Variants in ATP10B observed in about 807,000 individuals in gnomAD.
ATP10B encodes ATPase phospholipid transporting 10B (putative).
Under a neutral mutation model 141.2 loss-of-function variants are expected in ATP10B, and 122 were observed. The ratio of observed to expected loss-of-function variants is 0.86; its 90% CI spans 0.75 to 1.00. The LOEUF (loss-of-function observed/expected upper bound fraction) is 1.00, where lower values mean the gene tolerates loss of function less well. Among genes scored for constraint, ATP10B ranks in the 50% least tolerant of loss-of-function variants. ATP10B has a pLI of 0.00. For missense variants in ATP10B, 1,876 were observed against 1,825.3 expected, an observed-to-expected ratio of 1.03 and a Z score of -0.51; for synonymous variants, 685 against 692.0, an observed-to-expected ratio of 0.99 and a Z score of 0.16.
intron 2 of ATP10B, among the ~76,000 whole-genome samples, chr5:160,765,870 T>C (rs904328899): frequency 4.6e-5 from 7 of 151,430 alleles, no homozygotes; most frequent in Non-Finnish European, 8.9e-5. Flanking sequence ...AAAAAACAAA[T>C]AATCCCATCA....
rs1758264566 is a variant in ATP10B at position 160,620,500 on chromosome 5, A to G, written c.2263T>C (p.Cys755Arg). 1 of 1,614,214 alleles carries G rather than the reference A, an allele frequency of 6.2e-7. No homozygotes were observed. The part of the protein sequence containing the change: ...QVTVRLPQGT[C>R]LTFSLLCTLG... ...GTGCAGAGGAGGCTGAAGGTGAGGC[A>G]GGTGCCCTGGGGCAGGCGCACAGTC... Residue 755 changes from cysteine to arginine, a missense_variant, in exon 15 of 26, where the codon TGC becomes CGC. Transcript: ENST00000327245.
At chr5:160,894,716 T>A in the ATP10B span, among the ~76,000 whole-genome samples, 2 of 151,998 alleles carry the variant, frequency 1.3e-5, no homozygotes, top group Admixed American at 6.6e-5. Context: ...CACAAAGATA[T>A]TCCTCGAGAA....
chr5:160,607,018 T>C lies in ATP10B; in HGVS notation c.2907A>G (p.Pro969=), dbSNP rs1340658383. ...ELKQFRELQK[P]DRKLFGFRLP... The stretch of plus-strand genomic sequence containing the variant: ...AGCGGAATCCAAAGAGCTTGCGGTC[T>C]GGCTTCTGTAGTTCACGAAATTGCT... Residue 969 remains proline (P), a synonymous_variant, in exon 19 of 26, where the codon CCA becomes CCG. Coordinates refer to ENST00000327245, the MANE Select transcript of ATP10B (RefSeq NM_025153.3). 6.2e-7 allele frequency: 1 copy of C among 1,614,202 alleles called. No homozygotes were observed.
intron 2 of ATP10B, among the ~76,000 whole-genome samples, chr5:160,729,133 C>T (rs1201503385): frequency 1.3e-5 from 2 of 152,144 alleles, no homozygotes; most frequent in Admixed American, 6.5e-5. Context: ...TTGTTAGGCC[C>T]CTTAGGGCTT....
the ATP10B span, among the ~76,000 whole-genome samples, chr5:160,908,086 A>AGAGTTAAGTATCCTGACC: frequency 2.6e-5 from 4 of 152,180 alleles, no homozygotes; most frequent in African/African-American, 9.6e-5. Flanking sequence ...GTTGTGTGTT[A>AGAGTTAAGTATCCTGACC]GAGTTAAGTA....
intron 1 of ATP10B, among the ~76,000 whole-genome samples, chr5:160,798,742 CTA>C (rs1203087552): frequency 3.8e-5 from 5 of 130,396 alleles, no homozygotes; most frequent in Admixed American, 8.0e-5. Flanking sequence ...GACTTTTTCT[CTA>C]TTTTTTTTTT....
intron 2 of ATP10B, among the ~76,000 whole-genome samples, chr5:160,760,185 C>T (rs1768930057): frequency 6.6e-6 from 1 of 152,150 alleles, no homozygotes; most frequent in African/African-American, 2.4e-5. Context: ...AGAATATAAG[C>T]CAACACCTTT....
chr5:160,811,678 C>T (rs148429744), intron 1 of ATP10B, among the ~76,000 whole-genome samples: 18 of 152,260 alleles, frequency 1.2e-4, no homozygotes, highest in African/African-American at 3.9e-4. Context: ...AGCTGCAATA[C>T]AGCAGAACAC....
Position 160,598,711 on chromosome 5 carries a change from G to A in ATP10B, c.3564+59C>T, listed in dbSNP as rs1434721124. 4 of 1,514,116 alleles carry A rather than the reference G, an allele frequency of 2.6e-6. No homozygotes were observed. In the Admixed American group the frequency reaches 6.8e-5, roughly 26 times the overall value. The allele number at this position is 1,514,116 out of a possible 1,614,324, so 93.8% of individuals were successfully genotyped here. A position where few individuals can be genotyped will look rare whatever the true frequency, so the allele number is the denominator to read the frequency against. ...GCTCTTTCTCTGATGCCTCCAGAGG[G>A]GAGGTAGAGGTCAGTAAGAAGCTGA... On this transcript the variant is annotated intron_variant, in intron 22 of 25. Transcript: ENST00000327245.
At chr5:160,771,152 A>G (rs529115283) in intron 2 of ATP10B, among the ~76,000 whole-genome samples, 1 of 152,322 alleles carries the variant, frequency 6.6e-6, no homozygotes, top group South Asian at 2.1e-4. Context: ...TTTGTAAGAA[A>G]TGATGGATGT....
chr5:160,581,169 A>G (rs1014546567), intron 24 of ATP10B, among the ~76,000 whole-genome samples: 40 of 151,756 alleles, frequency 2.6e-4, no homozygotes, highest in Non-Finnish European at 3.8e-4. Flanking sequence ...CTCTGATCTT[A>G]GTTATTTCTT....
chr5:160,880,233 A>AT, the ATP10B span, among the ~76,000 whole-genome samples: 24 of 143,136 alleles, frequency 1.7e-4, no homozygotes, highest in African/African-American at 5.0e-4. Flanking sequence ...ATAAAATATA[A>AT]ATATTTTTAT....
At chr5:160,869,777 A>G in the ATP10B span, among the ~76,000 whole-genome samples, 2 of 152,122 alleles carry the variant, frequency 1.3e-5, no homozygotes, top group Non-Finnish European at 2.9e-5. Context: ...GAAAAGCTGA[A>G]CTGTAATGAA....
chr5:160,859,704 G>C, the ATP10B span, among the ~76,000 whole-genome samples: 11 of 151,984 alleles, frequency 7.2e-5, no homozygotes, highest in Non-Finnish European at 1.3e-4. Flanking sequence ...CCCACTGCTT[G>C]TTGGAAATGG....
At chr5:160,913,699 T>A in the ATP10B span, among the ~76,000 whole-genome samples, 1 of 152,206 alleles carries the variant, frequency 6.6e-6, no homozygotes, top group Non-Finnish European at 1.5e-5. Flanking sequence ...GTCTCCTTTA[T>A]GTATTCTTTA....
At chr5:160,627,411 T>C (rs1025231587) in intron 13 of ATP10B, among the ~76,000 whole-genome samples, 5 of 152,084 alleles carry the variant, frequency 3.3e-5, no homozygotes, top group African/African-American at 1.2e-4. Flanking sequence ...TGCCACAGAG[T>C]AGATGCTTAC....
chr5:160,839,488 A>C (rs1775687374), intron 1 of ATP10B, among the ~76,000 whole-genome samples: 1 of 152,200 alleles, frequency 6.6e-6, no homozygotes, highest in African/African-American at 2.4e-5. Context: ...GGGTACCACA[A>C]AGGTATAAAA....
Position 160,566,493 on chromosome 5 carries a change from G to C in ATP10B, c.3939-593C>G, listed in dbSNP as rs150409895. On this transcript the variant is annotated intron_variant, in intron 25 of 25. Coordinates refer to ENST00000327245, the MANE Select transcript of ATP10B (RefSeq NM_025153.3). ...GTCATCATATTACTATGATTTGCCA[G>C]ATAAAGAAATAGGGGCCCCAAGAGG... is the stretch of plus-strand genomic sequence containing the variant. 7.2e-5 allele frequency among the ~76,000 whole-genome samples: 11 copies of C among 152,314 alleles called. No homozygotes were observed. In the East Asian group the frequency reaches 1.9e-3, roughly 27 times the overall value.
At chr5:160,642,828 C>G (rs1759972367) in intron 9 of ATP10B, among the ~76,000 whole-genome samples, 3 of 152,206 alleles carry the variant, frequency 2.0e-5, no homozygotes, top group Admixed American at 2.0e-4. Flanking sequence ...CCATCCTGTT[C>G]AGGAACATGC....
Sources: allele counts gnomAD v4.1 joint callset (sites outside exome capture counted in the v4.1 genomes callset), GRCh38; gene constraint gnomAD v4.1.1; transcripts MANE v1.5; gene names NCBI Gene and HGNC (gene_info 2026-07-23, HGNC 2026-07-21).